Variants in CALN1 observed in about 807,000 individuals in gnomAD.
CALN1 encodes the protein calneuron 1, also known as calcium-binding protein 8.
Under a neutral mutation model 30.6 loss-of-function variants are expected in CALN1, and 17 were observed. The ratio of observed to expected loss-of-function variants is 0.56; its 90% CI spans 0.38 to 0.83. The LOEUF is 0.83. CALN1 is among the 40% of genes least tolerant of loss of function. The probability of loss-of-function intolerance (pLI) is 0.00; values close to 1 mark genes in which losing one functional copy is unlikely to be tolerated. For synonymous variants in CALN1, 156 were observed against 131.4 expected (o/e 1.19, Z -1.28); for missense variants, 291 against 354.9 (o/e 0.82, Z 1.45).
rs1554347603 is a variant in CALN1 at position 71,827,775 on chromosome 7, A to AAAAAAAAAAAT, written c.502-17284_502-17283insATTTTTTTTTT. The stretch of plus-strand genomic sequence containing the variant: ...TGACAGAGTGAGACTCCATCTTAAA[A>AAAAAAAAAAAT]AAATAAATAAATAAATAAATAAATA... On this transcript the variant is annotated intron_variant, in intron 5 of 6. Coordinates refer to ENST00000395275, the MANE Select transcript of CALN1 (RefSeq NM_031468.4). Among the ~76,000 whole-genome samples the AAAAAAAAAAAT allele has an allele frequency of 4.7e-4, 66 of 140,338 alleles. 1 individual carries two copies. The highest frequency in any genetic ancestry group is 1.8e-3 in the African/African-American group (65 of 37,094). 92.1% of individuals were successfully genotyped at this position (140,338 alleles called of 152,430 possible). A position where few individuals can be genotyped will look rare whatever the true frequency, so the allele number is the denominator to read the frequency against.
chr7:71,973,442 C>T (rs1403646137), intron 5 of CALN1, among the ~76,000 whole-genome samples: 1 of 152,192 alleles, frequency 6.6e-6, no homozygotes, highest in Non-Finnish European at 1.5e-5. Context: ...TCCCAAAGTA[C>T]TGGGATTAGA....
Position 71,889,414 on chromosome 7 carries a change from T to C in CALN1, c.502-78922A>G, listed in dbSNP as rs77927850. On this transcript the variant is annotated intron_variant, in intron 5 of 6. Coordinates refer to ENST00000395275, the MANE Select transcript of CALN1 (RefSeq NM_031468.4). ...ACGTTGGGGCAAAAAAAAATCACTC[T>C]ATAGTGTAAATTAAAAAATAAAACA... 2.5e-4 allele frequency among the ~76,000 whole-genome samples: 38 copies of C among 152,274 alleles called. 1 individual carries two copies. In the East Asian group the frequency reaches 6.2e-3, roughly 25 times the overall value.
intron 3 of CALN1, among the ~76,000 whole-genome samples, chr7:72,135,799 C>G (rs1312853225): frequency 6.6e-6 from 1 of 152,142 alleles, no homozygotes; most frequent in Non-Finnish European, 1.5e-5. Context: ...ACTTCTCCTA[C>G]CCAGCTATGA....
rs961289718 is a variant in CALN1, at chr7:72,320,852, A to G, written c.120-42042T>C. 7.9e-5 allele frequency among the ~76,000 whole-genome samples: 12 copies of G among 151,650 alleles called. No individual in the cohort carries two copies. The East Asian group carries it at 2.3e-3, about 29-fold the overall frequency. ...TCCATCTCAAAAAAAAAAAAAAAAAAAAAAAGAATCACAGAGGCAGCCTAA... is the reference window on the plus strand; with the variant it reads ...TCCATCTCAAAAAAAAAAAAAAAAAGAAAAAGAATCACAGAGGCAGCCTAA... On this transcript the variant is annotated intron_variant, in intron 2 of 6. Coordinates refer to ENST00000395275, the MANE Select transcript of CALN1 (RefSeq NM_031468.4).
At chr7:71,846,528 G>T (rs1275810183) in intron 5 of CALN1, among the ~76,000 whole-genome samples, 2 of 152,022 alleles carry the variant, frequency 1.3e-5, no homozygotes, top group Admixed American at 1.3e-4. Flanking sequence ...GTGTATGTGT[G>T]CGCGTGCGTG....
At chr7:72,060,532 A>G (rs1803573882) in intron 4 of CALN1, among the ~76,000 whole-genome samples, 1 of 152,180 alleles carries the variant, frequency 6.6e-6, no homozygotes, top group Non-Finnish European at 1.5e-5. Context: ...TGCCTGTCTA[A>G]CCCTAAACAG....
At chr7:72,143,334 G>A (rs1425239101) in intron 3 of CALN1, among the ~76,000 whole-genome samples, 1 of 152,228 alleles carries the variant, frequency 6.6e-6, no homozygotes, top group African/African-American at 2.4e-5. Flanking sequence ...GAATGCACAA[G>A]CTTCAGTAGC....
intron 4 of CALN1, among the ~76,000 whole-genome samples, chr7:72,058,752 CTA>C (rs1304955827): frequency 6.6e-6 from 1 of 152,110 alleles, no homozygotes; most frequent in Admixed American, 6.6e-5. Context: ...ACAAAGCTCT[CTA>C]TGAAAAATAC....
intron 2 of CALN1, among the ~76,000 whole-genome samples, chr7:72,325,976 A>G (rs1488018478): frequency 6.6e-6 from 1 of 152,180 alleles, no homozygotes; most frequent in Non-Finnish European, 1.5e-5. Flanking sequence ...ATCTCAGCTC[A>G]CTGCAACCTC....
At chr7:72,206,099 A>C (rs1791860404) in intron 3 of CALN1, among the ~76,000 whole-genome samples, 1 of 152,152 alleles carries the variant, frequency 6.6e-6, no homozygotes, top group South Asian at 2.1e-4. Context: ...GGGCTCACTC[A>C]CCATTTTGTT....
chr7:72,315,948 A>T (rs1440658302), intron 2 of CALN1, among the ~76,000 whole-genome samples: 3 of 151,946 alleles, frequency 2.0e-5, no homozygotes, highest in Non-Finnish European at 2.9e-5. Context: ...AGAGCTCAAG[A>T]CCAGCCTGGC....
At chr7:72,114,703 G>A (rs1807840558) in intron 3 of CALN1, among the ~76,000 whole-genome samples, 2 of 152,080 alleles carry the variant, frequency 1.3e-5, no homozygotes, top group African/African-American at 4.8e-5. Flanking sequence ...GCTAGAAAAA[G>A]GAGGCTGGGG....
At chr7:72,099,652 G>A (rs1332837722) in intron 4 of CALN1, among the ~76,000 whole-genome samples, 1 of 152,022 alleles carries the variant, frequency 6.6e-6, no homozygotes, top group African/African-American at 2.4e-5. Flanking sequence ...TTCACACTTA[G>A]GGACTGTATA....
chr7:72,017,989 C>G (rs1416887585), intron 5 of CALN1, among the ~76,000 whole-genome samples: 1 of 152,090 alleles, frequency 6.6e-6, no homozygotes, highest in African/African-American at 2.4e-5. Flanking sequence ...CCAGGACTGG[C>G]AGACCTGTTT....
intron 5 of CALN1, among the ~76,000 whole-genome samples, chr7:72,009,884 A>G (rs368586462): frequency 6.6e-6 from 1 of 152,276 alleles, no homozygotes; most frequent in African/African-American, 2.4e-5. Flanking sequence ...TTTATAAATT[A>G]CCCAGTCTCG....
chr7:72,103,522 A>C (rs1806849388), intron 4 of CALN1, among the ~76,000 whole-genome samples: 1 of 152,216 alleles, frequency 6.6e-6, no homozygotes, highest in East Asian at 1.9e-4. Context: ...GAAAGTGTTA[A>C]ATGAAACACT....
At chr7:72,227,282 G>A (rs1793754603) in intron 3 of CALN1, among the ~76,000 whole-genome samples, 1 of 151,062 alleles carries the variant, frequency 6.6e-6, no homozygotes, top group African/African-American at 2.4e-5. Flanking sequence ...GCCTACGTCT[G>A]TAATCTCAGA....
At chr7:72,096,643 CT>C (rs1229594754) in intron 4 of CALN1, among the ~76,000 whole-genome samples, 1 of 152,152 alleles carries the variant, frequency 6.6e-6, no homozygotes, top group Non-Finnish European at 1.5e-5. Flanking sequence ...GCAAAGCTAG[CT>C]GGATTCACTC....
intron 3 of CALN1, among the ~76,000 whole-genome samples, chr7:72,245,704 C>G (rs1341900826): frequency 2.0e-5 from 3 of 152,160 alleles, no homozygotes; most frequent in Non-Finnish European, 2.9e-5. Flanking sequence ...ACTTCCCAGA[C>G]ATCACACCAT....
Sources: gnomAD v4.1 joint callset for allele counts (sites outside exome capture counted in the v4.1 genomes callset) on GRCh38, gnomAD v4.1.1 for gene constraint, MANE v1.5 for transcripts, NCBI Gene and HGNC (gene_info 2026-07-23, HGNC 2026-07-21) for gene names.